Variants in GALNT13 observed in about 807,000 individuals in gnomAD.
GALNT13 encodes the protein UDP-GalNAc:polypeptide N-acetylgalactosaminyltransferase 13.
GALNT13 carries 28 observed loss-of-function variants against 64.2 expected under a neutral mutation model. That is an observed-to-expected ratio of 0.44 (90% CI 0.32 to 0.60). The LOEUF (loss-of-function observed/expected upper bound fraction) is 0.60. GALNT13 is among the 20% of genes least tolerant of loss of function. GALNT13 has a pLI of 0.05. For missense variants in GALNT13, 577 were observed against 669.8 expected (o/e 0.86, Z 1.53); for synonymous variants, 214 against 224.6 (o/e 0.95, Z 0.42).
intron 2 of GALNT13, among the ~76,000 whole-genome samples, chr2:153,925,156 A>G (rs906098213): frequency 1.3e-5 from 2 of 152,080 alleles, no homozygotes; most frequent in Non-Finnish European, 2.9e-5. Flanking sequence ...GGTATTGCCT[A>G]TGTTTTCTCC....
At chr2:153,808,950 G>A in the GALNT13 span, among the ~76,000 whole-genome samples, 2 of 152,164 alleles carry the variant, frequency 1.3e-5, no homozygotes, top group Non-Finnish European at 2.9e-5. Context: ...AACATGGGTA[G>A]AGAAAAAGCA....
the GALNT13 span, among the ~76,000 whole-genome samples, chr2:153,370,031 A>G: frequency 1.3e-5 from 2 of 152,192 alleles, no homozygotes; most frequent in Non-Finnish European, 2.9e-5. Flanking sequence ...ATATGCAGCA[A>G]TAGATATCTA....
chr2:153,923,918 A>C (rs1420014181), intron 2 of GALNT13, among the ~76,000 whole-genome samples: 2 of 151,796 alleles, frequency 1.3e-5, no homozygotes, highest in Non-Finnish European at 2.9e-5. Context: ...TATGTGCCAC[A>C]TTTTCTTAAT....
chr2:153,438,646 G>T, the GALNT13 span, among the ~76,000 whole-genome samples: 9 of 152,106 alleles, frequency 5.9e-5, no homozygotes, highest in African/African-American at 1.9e-4. Context: ...CATTCATCAC[G>T]TAGTTCTCGT....
chr2:153,222,016 G>A, the GALNT13 span, among the ~76,000 whole-genome samples: 2 of 152,132 alleles, frequency 1.3e-5, no homozygotes, highest in South Asian at 4.1e-4. Flanking sequence ...GCAGGGGATG[G>A]GGAGGCGTGT....
At chr2:153,819,417 A>G in the GALNT13 span, among the ~76,000 whole-genome samples, 2 of 152,168 alleles carry the variant, frequency 1.3e-5, no homozygotes, top group African/African-American at 4.8e-5. Context: ...CTGCCTATCA[A>G]GGAAGGGGAA....
intron 3 of GALNT13, among the ~76,000 whole-genome samples, chr2:153,993,431 C>T (rs1046987832): frequency 1.3e-5 from 2 of 151,952 alleles, no homozygotes; most frequent in South Asian, 2.1e-4. Flanking sequence ...CACAGTGGCT[C>T]ACACCTGTAA....
chr2:153,166,968 G>A, the GALNT13 span, among the ~76,000 whole-genome samples: 1 of 152,212 alleles, frequency 6.6e-6, no homozygotes, highest in Non-Finnish European at 1.5e-5. Flanking sequence ...CCCAGGCTCA[G>A]TATCAGCTCT....
chr2:154,325,422 G>A (rs528306213), intron 9 of GALNT13, among the ~76,000 whole-genome samples: 1 of 152,194 alleles, frequency 6.6e-6, no homozygotes, highest in Admixed American at 6.5e-5. Context: ...AAATACACTA[G>A]AATATGTTAA....
intron 3 of GALNT13, among the ~76,000 whole-genome samples, chr2:154,093,688 G>A (rs948296426): frequency 1.4e-5 from 2 of 139,784 alleles, no homozygotes; most frequent in African/African-American, 5.4e-5. Flanking sequence ...TTTTTTCATC[G>A]GACTCTTATG....
chr2:154,287,368 T>C (rs1692330339), intron 8 of GALNT13: 1 of 537,192 alleles, frequency 1.9e-6, no homozygotes, highest in African/African-American at 1.9e-5. Context: ...TCTCATACTC[T>C]GGGAACGTCA....
upstream of GALNT13, among the ~76,000 whole-genome samples, chr2:153,867,845 T>G (rs920564331): frequency 6.6e-6 from 1 of 152,092 alleles, no homozygotes; most frequent in Non-Finnish European, 1.5e-5. Context: ...ATGCTGCTGC[T>G]GATCTTACAG....
At chr2:153,229,873 G>A in the GALNT13 span, among the ~76,000 whole-genome samples, 1 of 152,196 alleles carries the variant, frequency 6.6e-6, no homozygotes, top group Admixed American at 6.5e-5. Context: ...CTCTTACAGG[G>A]AAGAGAGCAG....
chr2:154,090,230 G>A (rs1050716930), intron 3 of GALNT13, among the ~76,000 whole-genome samples: 1 of 151,944 alleles, frequency 6.6e-6, no homozygotes, highest in Non-Finnish European at 1.5e-5. Context: ...TTGGAAATAA[G>A]GTGAAATAAC....
chr2:153,664,718 T>C, the GALNT13 span, among the ~76,000 whole-genome samples: 1 of 152,214 alleles, frequency 6.6e-6, no homozygotes, highest in Admixed American at 6.5e-5. Flanking sequence ...CTAATAAATG[T>C]CCGTGAAATC....
intron 3 of GALNT13, among the ~76,000 whole-genome samples, chr2:154,126,782 C>T (rs1682304180): frequency 6.6e-6 from 1 of 151,988 alleles, no homozygotes; most frequent in African/African-American, 2.4e-5. Flanking sequence ...GTAATGTGGG[C>T]TTAACATGCA....
chr2:154,325,170 G>A (rs767459134), intron 9 of GALNT13, among the ~76,000 whole-genome samples: 13 of 151,900 alleles, frequency 8.6e-5, no homozygotes, highest in South Asian at 8.3e-4. Flanking sequence ...TTAGAGAGCC[G>A]GGGCCAGTTT....
intron 9 of GALNT13, among the ~76,000 whole-genome samples, chr2:154,333,884 A>G (rs1274274192): frequency 6.6e-6 from 1 of 152,076 alleles, no homozygotes; most frequent in Non-Finnish European, 1.5e-5. Flanking sequence ...TTTTGTTTTT[A>G]ACAAATGAAA....
At chr2:153,467,028 A>G in the GALNT13 span, among the ~76,000 whole-genome samples, 4 of 152,190 alleles carry the variant, frequency 2.6e-5, no homozygotes, top group African/African-American at 9.6e-5. Flanking sequence ...TCTTTTAACT[A>G]TGAGGCATGT....
Sources: gnomAD v4.1 joint callset for allele counts (sites outside exome capture counted in the v4.1 genomes callset) on GRCh38, gnomAD v4.1.1 for gene constraint, MANE v1.5 for transcripts, NCBI Gene and HGNC (gene_info 2026-07-23, HGNC 2026-07-21) for gene names.